The following FBN2 variants were observed in gnomAD, a reference collection of about 807,000 sequenced individuals.
FBN2 encodes fibrillin-2.
Under a neutral mutation model 355.6 loss-of-function variants are expected in FBN2, and 105 were observed. That is an observed-to-expected ratio of 0.30 (90% CI 0.25 to 0.35). FBN2 has a LOEUF of 0.35. Ranked by LOEUF, FBN2 falls within the 10% of genes least tolerant of loss-of-function variation. The pLI is 1.00. For synonymous variants in FBN2, 1,350 were observed against 1,301.2 expected (o/e 1.04, Z -0.81); for missense variants, 3,280 against 3,758.7 (o/e 0.87, Z 3.33).
intron 39 of FBN2, 53 bp downstream of exon 39, chr5:128,311,247 A>G: frequency 6.2e-7 from 1 of 1,604,778 alleles, no homozygotes; most frequent in East Asian, 2.2e-5. Flanking sequence ...AGGCCTCAGC[A>G]GCCATTTTGT....
At chr5:128,529,556 AAAGAGTGG>A (rs1223150527) in intron 3 of FBN2, among the ~76,000 whole-genome samples, 1 of 152,198 alleles carries the variant, frequency 6.6e-6, no homozygotes, top group African/African-American at 2.4e-5. Context: ...TACCACAAGC[AAAGAGTGG>A]ACCAGAGAAT....
intron 8 of FBN2, 33 bp downstream of exon 8, chr5:128,408,641 C>A: frequency 1.2e-6 from 2 of 1,613,484 alleles, no homozygotes; most frequent in East Asian, 2.2e-5. Context: ...TATAAAGACC[C>A]AGTGTATTGA....
chr5:128,393,018 C>A, intron 10 of FBN2, 117 bp downstream of exon 10: 2 of 844,410 alleles, frequency 2.4e-6, no homozygotes, highest in East Asian at 5.0e-5. Flanking sequence ...CACAAACACA[C>A]ACACACATGT....
intron 60 of FBN2, 106 bp from the exon 61 acceptor site, chr5:128,274,074 GA>G (rs1765327574): frequency 3.7e-6 from 5 of 1,344,476 alleles, no homozygotes; most frequent in South Asian, 3.6e-5. Flanking sequence ...TTCATGATGT[GA>G]AAATGGCATT....
chr5:128,356,854 G>T (rs900961442), intron 20 of FBN2, among the ~76,000 whole-genome samples: 2 of 152,164 alleles, frequency 1.3e-5, no homozygotes, highest in Non-Finnish European at 2.9e-5. Context: ...TTCCCTCTAT[G>T]TGTTTAAAAG....
chr5:128,367,443 T>C (rs432792), intron 16 of FBN2, among the ~76,000 whole-genome samples: 29,449 of 152,026 alleles, frequency 0.19, 3,936 homozygotes, highest in East Asian at 0.78. Flanking sequence ...GTTTTTTCTA[T>C]AGAGGATTTC....
At chr5:128,437,823 C>T (rs866965335) in intron 7 of FBN2, among the ~76,000 whole-genome samples, 3 of 149,276 alleles carry the variant, frequency 2.0e-5, no homozygotes, top group Non-Finnish European at 3.0e-5. Flanking sequence ...GATAGATAGA[C>T]AGACAGACAG....
At chr5:128,283,374 C>T (rs764599420) in intron 55 of FBN2, among the ~76,000 whole-genome samples, 6 of 152,202 alleles carry the variant, frequency 3.9e-5, no homozygotes, top group Non-Finnish European at 8.8e-5. Flanking sequence ...AATGTGTGTG[C>T]TCCACTGAAA....
In FBN2 at chr5:128,311,169, A is replaced by G. The variant is rs1193498886; in HGVS notation, c.5074+131T>C. 10 of 698,044 alleles carry G rather than the reference A, an allele frequency of 1.4e-5. No individual in the cohort carries two copies. In the East Asian group the frequency reaches 2.6e-4, roughly 18 times the overall value. 43.2% of individuals were successfully genotyped at this position (698,044 alleles called of 1,614,324 possible). On this transcript the variant is annotated intron_variant, in intron 39 of 64. Coordinates refer to ENST00000262464, the MANE Select transcript of FBN2 (RefSeq NM_001999.4). ...ATACAACTTAGCTACATTGATATGA[A>G]AAAAAAAAAAGCTATGAACCAATCT...
At chr5:128,441,808 TA>T (rs1358043619) in intron 7 of FBN2, among the ~76,000 whole-genome samples, 3 of 152,184 alleles carry the variant, frequency 2.0e-5, no homozygotes, top group Non-Finnish European at 4.4e-5. Context: ...TACAGTGTTA[TA>T]AATTAAGCTA....
chr5:128,489,143 A>G (rs1755432370), intron 5 of FBN2, among the ~76,000 whole-genome samples: 1 of 151,758 alleles, frequency 6.6e-6, no homozygotes, highest in Non-Finnish European at 1.5e-5. Flanking sequence ...CCTATTCTCC[A>G]CATCCTCTCC....
rs1167616665 is a variant in FBN2, at chr5:128,274,388, C to G, written c.7711+179G>C. ...CTTGGACTAAAAAGGCCTTTTTTTT[C>G]CCTTTGGATATTGTTCTTGAAAATA... On this transcript the variant is annotated intron_variant, in intron 60 of 64. Transcript: ENST00000262464. Among the ~76,000 whole-genome samples, 6 of 151,938 alleles carry G rather than the reference C, an allele frequency of 3.9e-5. No homozygotes were observed. The East Asian group carries it at 9.7e-4, about 24-fold the overall frequency.
At chr5:128,319,329 T>C (rs1750301663) in intron 34 of FBN2, among the ~76,000 whole-genome samples, 1 of 151,802 alleles carries the variant, frequency 6.6e-6, no homozygotes, top group Non-Finnish European at 1.5e-5. Context: ...GAAATGAAAT[T>C]GTGAAAAAAA....
At position 128,274,572 on chromosome 5, in the gene FBN2, C is replaced by G; in HGVS notation, c.7706G>C (p.Cys2569Ser). ...PPGFTQHHTA[C>S]IDNNECGSQP... The stretch of plus-strand genomic sequence containing the variant: ...CATTTGTAACTTTGTCTTACCGATA[C>G]AAGCAGTGTGATGCTGTGTGAAACC... Residue 2569 changes from cysteine (C) to serine (S), a missense_variant, in exon 60 of 65, where the codon TGT becomes TCT. Transcript: ENST00000262464. 6.3e-7 allele frequency: 1 copy of G among 1,583,382 alleles called. No homozygotes were observed. The highest frequency in any genetic ancestry group is 8.7e-7 in the Non-Finnish European group (1 of 1,152,024).
intron 15 of FBN2, among the ~76,000 whole-genome samples, chr5:128,372,260 A>G (rs1334721792): frequency 6.6e-6 from 1 of 152,220 alleles, no homozygotes; most frequent in Non-Finnish European, 1.5e-5. Flanking sequence ...GAATAAACTT[A>G]AAAATAAATT....
chr5:128,319,841 TC>T (rs1347287988), intron 34 of FBN2, among the ~76,000 whole-genome samples: 1 of 152,190 alleles, frequency 6.6e-6, no homozygotes, highest in African/African-American at 2.4e-5. Context: ...AATCTGAATT[TC>T]TACTCTCAAA....
chr5:128,345,692 G>A (rs955239493), intron 23 of FBN2, 108 bp from the exon 24 acceptor site: 33 of 972,116 alleles, frequency 3.4e-5, no homozygotes, highest in Non-Finnish European at 5.0e-5. Context: ...CCCTTGCGGT[G>A]TACTGGTGGG....
chr5:128,422,308 C>T (rs1009802910), intron 7 of FBN2, among the ~76,000 whole-genome samples: 3 of 152,072 alleles, frequency 2.0e-5, no homozygotes, highest in Admixed American at 6.6e-5. Flanking sequence ...AGCAAGAACA[C>T]CAAATGCAAT....
intron 50 of FBN2, 62 bp downstream of exon 50, chr5:128,290,670 A>G: frequency 6.6e-7 from 1 of 1,510,938 alleles, no homozygotes; most frequent in Non-Finnish European, 9.2e-7. Context: ...GGTTAAACCC[A>G]CTCTGGCAAA....
Sources: gnomAD v4.1 joint callset for allele counts (sites outside exome capture counted in the v4.1 genomes callset) on GRCh38, gnomAD v4.1.1 for gene constraint, MANE v1.5 for transcripts, NCBI Gene and HGNC (gene_info 2026-07-23, HGNC 2026-07-21) for gene names.